Variants in SKP1 observed in about 807,000 individuals in gnomAD.
The protein encoded by SKP1 is S-phase kinase-associated protein 1.
A neutral mutation model predicts 21.5 loss-of-function variants in SKP1; 1 was observed. The ratio of observed to expected loss-of-function variants is 0.05; its 90% CI spans 0.02 to 0.22. The LOEUF (loss-of-function observed/expected upper bound fraction) is 0.22, where lower values mean the gene tolerates loss of function less well. Among genes scored for constraint, SKP1 ranks in the 10% least tolerant of loss-of-function variants. The probability of loss-of-function intolerance (pLI) is 1.00; values close to 1 mark genes in which losing one functional copy is unlikely to be tolerated. For synonymous variants in SKP1, 59 were observed against 59.3 expected, an observed-to-expected ratio of 0.99 and a Z score of 0.03; for missense variants, 70 against 192.0, an observed-to-expected ratio of 0.36 and a Z score of 3.76.
chr5:134,151,529 T>A lies in SKP1; in HGVS notation c.*6204A>T. On this transcript the variant is annotated 3_prime_UTR_variant, in exon 6 of 6. Transcript: ENST00000353411. Reference sequence around the variant, plus strand: ...ATTTTCACCAGATAGGTGGGAGGTATTCAAAGTGAGAGCACTTTAAGGAAA... The same window carrying A: ...ATTTTCACCAGATAGGTGGGAGGTAATCAAAGTGAGAGCACTTTAAGGAAA... 6.0e-6 allele frequency: 2 copies of A among 335,906 alleles called. No homozygotes were observed. Among genetic ancestry groups the A allele is most frequent in the Non-Finnish European group, 1.2e-5 (2 of 163,326 alleles). 20.8% of individuals were successfully genotyped at this position (335,906 alleles called of 1,614,324 possible). A position where few individuals can be genotyped will look rare whatever the true frequency, so the allele number is the denominator to read the frequency against.
At chr5:134,167,304 G>A in intron 2 of SKP1, 61 bp from the exon 3 acceptor site, 1 of 1,058,520 alleles carries the variant, frequency 9.4e-7, no homozygotes, top group African/African-American at 1.6e-5. Context: ...ATACCAACCA[G>A]GCTATGTCTC....
intron 3 of SKP1, among the ~76,000 whole-genome samples, chr5:134,165,835 G>A (rs553460438): frequency 2.0e-5 from 3 of 151,978 alleles, no homozygotes; most frequent in South Asian, 2.1e-4. Flanking sequence ...GCAGTGAGCC[G>A]AGATTGTGCC....
chr5:134,161,285 G>T, intron 3 of SKP1, 155 bp from the exon 4 acceptor site: 1 of 593,402 alleles, frequency 1.7e-6, no homozygotes, highest in Non-Finnish European at 2.9e-6. Flanking sequence ...GAAGCTTGAA[G>T]AATCATTATA....
chr5:134,166,574 T>C (rs1243584781), intron 3 of SKP1, among the ~76,000 whole-genome samples: 1 of 75,290 alleles, frequency 1.3e-5, no homozygotes, highest in Non-Finnish European at 2.3e-5. Context: ...AGCAAGACTC[T>C]GGTCTCAAAA....
At chr5:134,176,139 G>A (rs1475870633) in intron 1 of SKP1, among the ~76,000 whole-genome samples, 4 of 152,178 alleles carry the variant, frequency 2.6e-5, no homozygotes, top group Admixed American at 6.5e-5. Context: ...TTAAAAGCCA[G>A]ATACCTAGAG....
chr5:134,160,979 A>T lies in SKP1; in HGVS notation c.315+8T>A, dbSNP rs376975213. Reference sequence around the variant, plus strand: ...AGAGTAGAGCTATCTTACACATTAAAAACTTACCAGAATGAGTTCAAAAAG... The same window carrying T: ...AGAGTAGAGCTATCTTACACATTAATAACTTACCAGAATGAGTTCAAAAAG... On this transcript the variant is annotated splice_region_variant and intron_variant, in intron 4 of 5. Transcript: ENST00000353411. The T allele has an allele frequency of 1.2e-6, 2 of 1,607,572 alleles. No homozygotes were observed. The highest frequency in any genetic ancestry group is 2.7e-5 in the African/African-American group (2 of 74,794).
chr5:134,159,133 CTAA>C (rs1334061929), intron 4 of SKP1, among the ~76,000 whole-genome samples: 1 of 152,136 alleles, frequency 6.6e-6, no homozygotes, highest in Non-Finnish European at 1.5e-5. Context: ...TTCTTCTTTT[CTAA>C]TAATATAGGT....
chr5:134,174,233 G>C (rs1761496689), intron 1 of SKP1, among the ~76,000 whole-genome samples: 1 of 152,148 alleles, frequency 6.6e-6, no homozygotes, highest in Non-Finnish European at 1.5e-5. Context: ...ATAACTACTA[G>C]GAACAGAAGC....
Position 134,161,084 on chromosome 5 carries a change from T to C in SKP1, c.218A>G (p.Glu73Gly). The change falls in exon 4 of 6, where the codon GAA becomes GGA. Residue 73 changes from glutamate to glycine, a missense_variant. Physicochemically the swap from Glu to Gly is moderately conservative, Grantham distance 98. Coordinates refer to ENST00000353411, the MANE Select transcript of SKP1 (RefSeq NM_170679.3). Reference sequence around the variant, plus strand: ...TCGCTTTTCTTTGTTCTCATCATCTTCAGGAGGAGGAGGGTCATCCTTGTG... The same window carrying C: ...TCGCTTTTCTTTGTTCTCATCATCTCCAGGAGGAGGAGGGTCATCCTTGTG... ...THHKDDPPPP[E>G]DDENKEKRTD... 5 of 1,613,734 alleles carry C rather than the reference T, an allele frequency of 3.1e-6. No homozygotes were observed. The highest frequency in any genetic ancestry group is 4.2e-6 in the Non-Finnish European group (5 of 1,179,744).
intron 1 of SKP1, 119 bp downstream of exon 1, chr5:134,176,736 G>C (rs116281865): frequency 6.6e-6 from 1 of 152,362 alleles, no homozygotes; most frequent in Non-Finnish European, 1.5e-5. Flanking sequence ...CACCGGGCCC[G>C]AAAGAAGGCC....
chr5:134,175,335 ACATGTCTGCTTCTC>A, intron 1 of SKP1: 1 of 152,336 alleles, frequency 6.6e-6, no homozygotes, highest in Non-Finnish European at 1.5e-5. Context: ...CGATTCACAA[ACATGTCTGCTTCTC>A]CATGTTGCTT....
intron 5 of SKP1, chr5:134,158,239 T>C (rs1008286434): frequency 6.9e-7 from 1 of 1,440,774 alleles, no homozygotes; most frequent in African/African-American, 1.4e-5. Flanking sequence ...CTCTTCTCAT[T>C]GAAAACTAAT....
chr5:134,152,802 A>T lies in SKP1; in HGVS notation c.*4931T>A, dbSNP rs1238160233. 1 of 152,448 alleles carries T rather than the reference A, an allele frequency of 6.6e-6. No individual in the cohort carries two copies. The highest frequency in any genetic ancestry group is 2.4e-5 in the African/African-American group (1 of 41,472). The allele number at this position is 152,448 out of a possible 1,614,324, so 9.4% of individuals were successfully genotyped here. On this transcript the variant is annotated 3_prime_UTR_variant, in exon 6 of 6. Coordinates refer to ENST00000353411, the MANE Select transcript of SKP1 (RefSeq NM_170679.3). ...TGATCTGCACACCTCAGCCTCTGAA[A>T]ATGTTGGGATTACAGGCGTGAGCCA...
chr5:134,162,782 T>G (rs1294723040), intron 3 of SKP1, among the ~76,000 whole-genome samples: 1 of 150,428 alleles, frequency 6.6e-6, no homozygotes, highest in Non-Finnish European at 1.5e-5. Context: ...CCAGGCATTT[T>G]TTAAACTCTA....
intron 3 of SKP1, among the ~76,000 whole-genome samples, chr5:134,162,234 G>A (rs943196212): frequency 6.6e-5 from 10 of 152,100 alleles, no homozygotes; most frequent in African/African-American, 9.7e-5. Flanking sequence ...CCAAGTAGCT[G>A]CAACTACAGG....
intron 2 of SKP1, among the ~76,000 whole-genome samples, chr5:134,173,071 A>C (rs1255622572): frequency 6.6e-6 from 1 of 150,398 alleles, no homozygotes; most frequent in African/African-American, 2.4e-5. Context: ...GGTGGCTCAC[A>C]CCTGTGATCC....
At chr5:134,160,173 T>A (rs1761194181) in intron 4 of SKP1, among the ~76,000 whole-genome samples, 1 of 151,450 alleles carries the variant, frequency 6.6e-6, no homozygotes, top group African/African-American at 2.4e-5. Context: ...CTGGCCAACA[T>A]GGTGAAACCC....
At chr5:134,162,813 T>C (rs1355632532) in intron 3 of SKP1, among the ~76,000 whole-genome samples, 2 of 152,156 alleles carry the variant, frequency 1.3e-5, no homozygotes, top group African/African-American at 2.4e-5. Flanking sequence ...CAGTGGTTCA[T>C]ACTTGTAATC....
chr5:134,166,156 G>A (rs372982491), intron 3 of SKP1, among the ~76,000 whole-genome samples: 1 of 150,346 alleles, frequency 6.7e-6, no homozygotes, highest in East Asian at 2.0e-4. Context: ...CTGCACTCCA[G>A]CCTGGGCAAC....
Sources: allele counts gnomAD v4.1 joint callset (sites outside exome capture counted in the v4.1 genomes callset), GRCh38; gene constraint gnomAD v4.1.1; transcripts MANE v1.5; gene names NCBI Gene and HGNC (gene_info 2026-07-23, HGNC 2026-07-21).